HYCC2: variants seen among roughly 807,000 people sequenced by gnomAD.
HYCC2 encodes the protein hyccin PI4KA lipid kinase complex subunit 2, also known as hyccin 2.
the HYCC2 span, among the ~76,000 whole-genome samples, chr2:201,003,180 G>A: frequency 2.0e-5 from 3 of 151,970 alleles, no homozygotes; most frequent in Non-Finnish European, 2.9e-5. Flanking sequence ...CTCCAGCCTC[G>A]GCCTCCAGAG....
At chr2:201,018,693 G>A in the HYCC2 span, among the ~76,000 whole-genome samples, 1 of 152,078 alleles carries the variant, frequency 6.6e-6, no homozygotes, top group South Asian at 2.1e-4. Context: ...TTTTCCAGAG[G>A]CTGGGTGTGG....
chr2:201,024,848 G>A, the HYCC2 span, among the ~76,000 whole-genome samples: 4 of 152,124 alleles, frequency 2.6e-5, no homozygotes, highest in Admixed American at 2.0e-4. Context: ...GGGCACAGTG[G>A]CTCATGCCTG....
chr2:201,041,410 A>C, the HYCC2 span, among the ~76,000 whole-genome samples: 1 of 152,194 alleles, frequency 6.6e-6, no homozygotes, highest in Admixed American at 6.5e-5. Flanking sequence ...GTTTCTCTAC[A>C]GCTTTACGTG....
At chr2:201,068,204 T>C in the HYCC2 span, among the ~76,000 whole-genome samples, 2 of 152,000 alleles carry the variant, frequency 1.3e-5, no homozygotes, top group Admixed American at 6.6e-5. Context: ...GGAAAATGGC[T>C]TGAACCCGGG....
At chr2:201,034,196 T>A in the HYCC2 span, among the ~76,000 whole-genome samples, 2 of 152,186 alleles carry the variant, frequency 1.3e-5, no homozygotes, top group Non-Finnish European at 2.9e-5. Context: ...TACTACTAGT[T>A]TTAAGACAGT....
the HYCC2 span, among the ~76,000 whole-genome samples, chr2:201,015,503 A>G: frequency 1.3e-5 from 2 of 152,182 alleles, no homozygotes; most frequent in African/African-American, 4.8e-5. Context: ...CAGAAATTTC[A>G]TGTCCATTTG....
the HYCC2 span, chr2:201,021,354 G>A: frequency 1.3e-5 from 2 of 153,736 alleles, no homozygotes; most frequent in East Asian, 3.9e-4. Context: ...GCTGGACCTT[G>A]AGCTCGCATC....
the HYCC2 span, among the ~76,000 whole-genome samples, chr2:201,010,752 T>A: frequency 6.6e-6 from 1 of 151,030 alleles, no homozygotes; most frequent in Admixed American, 6.6e-5. Context: ...CTTTAAAAAT[T>A]AAAGAATATT....
the HYCC2 span, among the ~76,000 whole-genome samples, chr2:201,038,150 C>G: frequency 2.0e-5 from 3 of 152,206 alleles, 1 homozygote; most frequent in South Asian, 6.2e-4. Flanking sequence ...AAATGCTCAT[C>G]ATCACTGGCC....
chr2:201,066,885 C>T, the HYCC2 span: 2 of 160,412 alleles, frequency 1.2e-5, no homozygotes, highest in South Asian at 1.7e-4. Context: ...ACTGCAGCCC[C>T]ATAGGCAGCC....
At chr2:201,021,840 A>G in the HYCC2 span, 4 of 356,168 alleles carry the variant, frequency 1.1e-5, no homozygotes, top group Non-Finnish European at 2.2e-5. Flanking sequence ...TACGTACATT[A>G]TGCATACCCA....
At chr2:200,988,512 T>A in the HYCC2 span, 2 of 874,970 alleles carry the variant, frequency 2.3e-6, no homozygotes, top group Non-Finnish European at 3.4e-6. Context: ...AATATGTATT[T>A]AAAATTTGCA....
chr2:200,984,759 C>A, the HYCC2 span, among the ~76,000 whole-genome samples: 1 of 152,146 alleles, frequency 6.6e-6, no homozygotes, highest in African/African-American at 2.4e-5. Flanking sequence ...TGGCACCCAC[C>A]TATAGTCCCA....
At chr2:201,034,870 T>C in the HYCC2 span, among the ~76,000 whole-genome samples, 6 of 152,222 alleles carry the variant, frequency 3.9e-5, no homozygotes, top group African/African-American at 7.2e-5. Context: ...AAGCTTAGTT[T>C]GGCTGGATAT....
chr2:200,998,025 G>A, the HYCC2 span, among the ~76,000 whole-genome samples: 1 of 152,186 alleles, frequency 6.6e-6, no homozygotes, highest in Non-Finnish European at 1.5e-5. Flanking sequence ...AACAGAGTGA[G>A]ACTCCATCTC....
the HYCC2 span, chr2:200,975,215 A>G: frequency 6.6e-6 from 1 of 152,046 alleles, no homozygotes; most frequent in Non-Finnish European, 1.5e-5. Flanking sequence ...TTTCCAGGTC[A>G]GAGAATATTT....
the HYCC2 span, among the ~76,000 whole-genome samples, chr2:201,030,492 A>G: frequency 6.6e-6 from 1 of 151,996 alleles, no homozygotes; most frequent in Non-Finnish European, 1.5e-5. Flanking sequence ...ATTTAAATGT[A>G]GTCATATGTT....
the HYCC2 span, among the ~76,000 whole-genome samples, chr2:200,999,344 T>C: frequency 2.0e-5 from 3 of 152,004 alleles, no homozygotes; most frequent in Non-Finnish European, 4.4e-5. Context: ...AAATCAGCCA[T>C]ATATTAACAT....
At chr2:201,049,007 T>C in the HYCC2 span, among the ~76,000 whole-genome samples, 1 of 151,532 alleles carries the variant, frequency 6.6e-6, no homozygotes, top group Non-Finnish European at 1.5e-5. Flanking sequence ...TGTGTGCCTG[T>C]AGTCCCAGCT....
Sources: gnomAD v4.1 joint callset for allele counts (sites outside exome capture counted in the v4.1 genomes callset) on GRCh38, gnomAD v4.1.1 for gene constraint, MANE v1.5 for transcripts, NCBI Gene and HGNC (gene_info 2026-07-23, HGNC 2026-07-21) for gene names.